The following CDC37 variants were observed in gnomAD, a reference collection of about 807,000 sequenced individuals.
CDC37 encodes the protein hsp90 co-chaperone Cdc37.
In CDC37, 9 loss-of-function variants were observed where a neutral mutation model predicts 46.9. The ratio of observed to expected loss-of-function variants is 0.19; its 90% CI spans 0.12 to 0.33. The LOEUF (loss-of-function observed/expected upper bound fraction) is 0.33, where lower values mean the gene tolerates loss of function less well. Among genes scored for constraint, CDC37 ranks in the 10% least tolerant of loss-of-function variants. The pLI is 1.00. For synonymous variants in CDC37, 193 were observed against 191.0 expected (o/e 1.01, Z -0.09); for missense variants, 388 against 514.6 (o/e 0.75, Z 2.38).
At chr19:10,402,157 CAAAAAAAAAAAAAAAA>C (rs753021871) in intron 1 of CDC37, among the ~76,000 whole-genome samples, 2 of 63,838 alleles carry the variant, frequency 3.1e-5, no homozygotes, top group South Asian at 1.2e-3. Flanking sequence ...AACTTCGTCT[CAAAAAAAAAAAAAAAA>C]AAAAAAAAAG....
At chr19:10,401,225 G>C (rs1218059872) in intron 1 of CDC37, among the ~76,000 whole-genome samples, 2 of 152,176 alleles carry the variant, frequency 1.3e-5, no homozygotes, top group Non-Finnish European at 2.9e-5. Flanking sequence ...GCTCAGGGAG[G>C]CTTCTTGTGA....
In CDC37 at chr19:10,393,518, A is replaced by G. The variant is rs1472639604; in HGVS notation, c.727-77T>C. On this transcript the variant is annotated intron_variant, in intron 5 of 7. Coordinates refer to ENST00000222005, the MANE Select transcript of CDC37 (RefSeq NM_007065.4). The surrounding 1 kb of genome is among the most constrained non-coding windows in gnomAD (Gnocchi z 4.9). Reference sequence around the variant, plus strand: ...CTGGGGGGCCCAGGACCCTCCAGCCACAGCTCCTCAGAGGCGCCCCACGGT... The same window carrying G: ...CTGGGGGGCCCAGGACCCTCCAGCCGCAGCTCCTCAGAGGCGCCCCACGGT... 10 of 1,445,406 alleles carry G rather than the reference A, an allele frequency of 6.9e-6. No individual in the cohort carries two copies. The highest frequency in any genetic ancestry group is 2.7e-5 in the South Asian group (2 of 75,006). The allele number at this position is 1,445,406 out of a possible 1,614,324, so 89.5% of individuals were successfully genotyped here.
rs200107818 is a variant in CDC37, at chr19:10,395,912, C to T, written c.378+16G>A. ...GGCTGCGCATGCGCACTGCCCGCCC[C>T]GCCCGCCCCGCACACCTTGCTGAAG... is the stretch of plus-strand genomic sequence containing the variant. On this transcript the variant is annotated intron_variant, in intron 2 of 7. Transcript: ENST00000222005. 1.9e-6 allele frequency: 3 copies of T among 1,585,518 alleles called. No individual in the cohort carries two copies. The highest frequency in any genetic ancestry group is 2.2e-5 in the East Asian group (1 of 44,596).
At chr19:10,397,415 C>CT (rs933052804) in intron 1 of CDC37, among the ~76,000 whole-genome samples, 10,017 of 86,806 alleles carry the variant, frequency 0.12, 807 homozygotes, top group African/African-American at 0.15. Context: ...CCAAGCCTGG[C>CT]TTTTTTTTTT....
At chr19:10,402,413 A>T (rs1347620033) in intron 1 of CDC37, among the ~76,000 whole-genome samples, 2 of 152,020 alleles carry the variant, frequency 1.3e-5, no homozygotes, top group African/African-American at 2.4e-5. Context: ...GGATAAGAGC[A>T]GGGACAATTT....
At chr19:10,399,931 T>TAAAAAAAAAAAAAAAAAAAAA (rs56162717) in intron 1 of CDC37, among the ~76,000 whole-genome samples, 7 of 48,318 alleles carry the variant, frequency 1.4e-4, no homozygotes, top group South Asian at 1.0e-3. Context: ...GACTCCGTCT[T>TAAAAAAAAAAAAAAAAAAAAA]AAAAAAAAAA....
intron 1 of CDC37, among the ~76,000 whole-genome samples, chr19:10,397,415 CTTTTT>C (rs933052804): frequency 8.1e-5 from 7 of 86,844 alleles, no homozygotes; most frequent in African/African-American, 1.6e-4. Flanking sequence ...CCAAGCCTGG[CTTTTT>C]TTTTTTTTTT....
In CDC37 at chr19:10,392,667, G is replaced by C. The variant is rs1599379020; in HGVS notation, c.981+419C>G. On this transcript the variant is annotated intron_variant, in intron 7 of 7. Coordinates refer to ENST00000222005, the MANE Select transcript of CDC37 (RefSeq NM_007065.4). ...GAGGATCACTTGAGCCTGGGAGGTC[G>C]AGACTGCAGCCTGGGTGAGAGAGGA... is the stretch of plus-strand genomic sequence containing the variant. The C allele has an allele frequency of 2.0e-5, 4 of 195,598 alleles. No homozygotes were observed. The South Asian group carries it at 3.7e-4, about 18-fold the overall frequency. 12.1% of individuals were successfully genotyped at this position (195,598 alleles called of 1,614,324 possible). A position where few individuals can be genotyped will look rare whatever the true frequency, so the allele number is the denominator to read the frequency against.
At position 10,393,410 on chromosome 19, in the gene CDC37, T is replaced by C. The variant is rs141900325; in HGVS notation, c.758A>G (p.Asn253Ser). The C allele has an allele frequency of 4.4e-5, 71 of 1,613,658 alleles. No individual in the cohort carries two copies. In the African/African-American group the frequency reaches 6.9e-4, roughly 16 times the overall value. The change falls in exon 6 of 8, where the codon AAC (asparagine) becomes AGC (serine). Residue 253 changes from asparagine to serine, a missense_variant. Physicochemically the swap from Asn to Ser is conservative, Grantham distance 46. Transcript: ENST00000222005. The surrounding 1 kb of genome is among the most constrained non-coding windows in gnomAD (Gnocchi z 4.9). The part of the protein sequence containing the change: ...TADRQYMEGF[N>S]DELEAFKERV... ...CTCCTTGAAGGCTTCCAGCTCGTCG[T>C]TGAAGCCCTCCATGTACTGGCGATC...
chr19:10,396,768 C>T lies in CDC37; in HGVS notation c.103-565G>A, dbSNP rs2042494586. Among the ~76,000 whole-genome samples, 1 of 152,080 alleles carries T rather than the reference C, an allele frequency of 6.6e-6. No individual in the cohort carries two copies. The highest frequency in any genetic ancestry group is 1.5e-5 in the Non-Finnish European group (1 of 67,998). ...GTATTTTCAGTAAAGATGGGGTTTGCCATGTTGCCCAGGCTGGTCTTGAAG... is the reference window on the plus strand; with the variant it reads ...GTATTTTCAGTAAAGATGGGGTTTGTCATGTTGCCCAGGCTGGTCTTGAAG... On this transcript the variant is annotated intron_variant, in intron 1 of 7. Transcript: ENST00000222005. This position sits in a 1 kb window ranked among gnomAD's most constrained non-coding sequence, Gnocchi z 5.9.
rs764233425 is a variant in CDC37 at position 10,395,679 on chromosome 19, G to GGGA, written c.379-139_379-137dup. 5.9e-6 allele frequency: 5 copies of GGGA among 842,270 alleles called. No individual in the cohort carries two copies. In the Admixed American group the frequency reaches 9.8e-5, roughly 17 times the overall value. 52.2% of individuals were successfully genotyped at this position (842,270 alleles called of 1,614,324 possible). A position where few individuals can be genotyped will look rare whatever the true frequency, so the allele number is the denominator to read the frequency against. On this transcript the variant is annotated intron_variant, in intron 2 of 7. Transcript: ENST00000222005. Reference sequence around the variant, plus strand: ...ACGAAGCCATGAGCATCAAGGTGGCGGGAGCGTGGGCATGGGCCTTGGGGC... The same window carrying GGGA: ...ACGAAGCCATGAGCATCAAGGTGGCGGGAGGAGCGTGGGCATGGGCCTTGGGGC...
intron 1 of CDC37, among the ~76,000 whole-genome samples, chr19:10,402,488 G>C (rs2042524734): frequency 6.6e-6 from 1 of 152,170 alleles, no homozygotes; most frequent in South Asian, 2.1e-4. Context: ...CTGGGCTTGA[G>C]TTAGGGGAGA....
Position 10,391,432 on chromosome 19 carries a change from A to C in CDC37, c.*119T>G, listed in dbSNP as rs1050463978. The C allele has an allele frequency of 4.5e-5, 58 of 1,288,388 alleles. No homozygotes were observed. The highest frequency in any genetic ancestry group is 6.3e-5 in the Non-Finnish European group (56 of 892,836). 79.8% of individuals were successfully genotyped at this position (1,288,388 alleles called of 1,614,324 possible). A position where few individuals can be genotyped will look rare whatever the true frequency, so the allele number is the denominator to read the frequency against. ...CCAGGGAGGGCTGGGCGGGCCCCCC[A>C]GGCTGGGCCGAGCAGCGCAAGTAGA... On this transcript the variant is annotated 3_prime_UTR_variant, in exon 8 of 8. Coordinates refer to ENST00000222005, the MANE Select transcript of CDC37 (RefSeq NM_007065.4).
At chr19:10,400,954 G>A (rs1332885404) in intron 1 of CDC37, among the ~76,000 whole-genome samples, 2 of 152,160 alleles carry the variant, frequency 1.3e-5, no homozygotes, top group African/African-American at 2.4e-5. Flanking sequence ...CTTATGGGGT[G>A]GACATCATTC....
rs2042471878 is a variant in CDC37, at chr19:10,393,758, G to T, written c.727-317C>A. 1 of 327,120 alleles carries T rather than the reference G, an allele frequency of 3.1e-6. No individual in the cohort carries two copies. Among genetic ancestry groups the T allele is most frequent in the South Asian group, 6.8e-5 (1 of 14,784 alleles). 20.3% of individuals were successfully genotyped at this position (327,120 alleles called of 1,614,324 possible). A position where few individuals can be genotyped will look rare whatever the true frequency, so the allele number is the denominator to read the frequency against. On this transcript the variant is annotated intron_variant, in intron 5 of 7. Coordinates refer to ENST00000222005, the MANE Select transcript of CDC37 (RefSeq NM_007065.4). This position sits in a 1 kb window ranked among gnomAD's most constrained non-coding sequence, Gnocchi z 4.9. ...CTTGTCCTTGGTCTCCCTAATCTCG[G>T]TAAGGATAGCCCTGTTCCTCCAGGT... is the stretch of plus-strand genomic sequence containing the variant.
chr19:10,392,895 T>G (rs2042465313), intron 7 of CDC37, 191 bp downstream of exon 7: 1 of 606,272 alleles, frequency 1.6e-6, no homozygotes. Context: ...AGCTCAGCAT[T>G]TATCTGCTGG....
intron 7 of CDC37, among the ~76,000 whole-genome samples, chr19:10,392,003 T>C (rs1238141058): frequency 3.3e-5 from 5 of 152,186 alleles, no homozygotes; most frequent in Admixed American, 3.3e-4. Context: ...GGTTTTGCCA[T>C]GTTGGCCAGG....
rs952556654 is a variant in CDC37, at chr19:10,395,154, G to T, written c.604-11C>A. 2 of 1,605,766 alleles carry T rather than the reference G, an allele frequency of 1.2e-6. No homozygotes were observed. Among genetic ancestry groups the T allele is most frequent in the Non-Finnish European group, 1.7e-6 (2 of 1,173,612 alleles). The stretch of plus-strand genomic sequence containing the variant: ...CATGAGTGCACATTTCTGCCAGGAA[G>T]AACAGGCACAGCGTCACCAAGTGGC... On this transcript the variant is annotated splice_polypyrimidine_tract_variant and intron_variant, in intron 4 of 7. Transcript: ENST00000222005.
Position 10,403,358 on chromosome 19 carries a change from G to A in CDC37, c.102+20C>T, listed in dbSNP as rs761134124. On this transcript the variant is annotated intron_variant, in intron 1 of 7. Transcript: ENST00000222005. ...AGCGGGGTCCGGGAGTGGGGAAAGG[G>A]ATGGGCGCGCGCGCCTTACCTGATG... 8 of 1,596,218 alleles carry A rather than the reference G, an allele frequency of 5.0e-6. No homozygotes were observed. Among genetic ancestry groups the A allele is most frequent in the Non-Finnish European group, 6.8e-6 (8 of 1,168,230 alleles).
Sources: gnomAD v4.1 joint callset for allele counts (sites outside exome capture counted in the v4.1 genomes callset) on GRCh38, gnomAD v4.1.1 for gene constraint, Gnocchi (gnomAD v3.1) non-coding constraint, MANE v1.5 for transcripts, NCBI Gene and HGNC (gene_info 2026-07-23, HGNC 2026-07-21) for gene names.